The following KIAA1217 variants were observed in gnomAD, a reference collection of about 807,000 sequenced individuals.
The protein encoded by KIAA1217 is sickle tail protein homolog.
Under a neutral mutation model 163.9 loss-of-function variants are expected in KIAA1217, and 88 were observed. That is an observed-to-expected ratio of 0.54 (90% CI 0.45 to 0.64). KIAA1217 has a LOEUF of 0.64. KIAA1217 is among the 30% of genes least tolerant of loss of function. The pLI is 0.00. For synonymous variants in KIAA1217, 903 were observed against 923.1 expected (o/e 0.98, Z 0.39); for missense variants, 2,372 against 2,475.0 (o/e 0.96, Z 0.88).
At position 24,543,953 on chromosome 10, in the gene KIAA1217, G is replaced by T; in HGVS notation, c.4683G>T (p.Ala1561=). ...SPNSECKGED[A]TDDQFESPKK... is the part of the protein sequence containing the mutation. ...ATTCGGAATGCAAGGGTGAGGACGCGACCGATGACCAGTTTGAAAGCCCCA... is the reference window on the plus strand; with the variant it reads ...ATTCGGAATGCAAGGGTGAGGACGCTACCGATGACCAGTTTGAAAGCCCCA... Residue 1561 remains alanine, a synonymous_variant, in exon 19 of 21, where the codon GCG becomes GCT. Transcript: ENST00000376454. 6.2e-7 allele frequency: 1 copy of T among 1,614,026 alleles called. No homozygotes were observed. Among genetic ancestry groups the T allele is most frequent in the South Asian group, 1.1e-5 (1 of 91,056 alleles).
At chr10:24,060,564 G>A (rs1181502647) in intron 2 of KIAA1217, among the ~76,000 whole-genome samples, 1 of 152,204 alleles carries the variant, frequency 6.6e-6, no homozygotes, top group Non-Finnish European at 1.5e-5. Flanking sequence ...GGAGGCCAAG[G>A]TGGAAGGATT....
chr10:23,921,353 T>C (rs1291996822), intron 1 of KIAA1217, among the ~76,000 whole-genome samples: 1 of 152,174 alleles, frequency 6.6e-6, no homozygotes, highest in Non-Finnish European at 1.5e-5. Context: ...TATTTTCTGA[T>C]CCAGTGAGAA....
chr10:23,838,304 C>T lies in KIAA1217; in HGVS notation c.-321+143070C>T, dbSNP rs1588919074. Among the ~76,000 whole-genome samples, 3 of 152,064 alleles carry T rather than the reference C, an allele frequency of 2.0e-5. No homozygotes were observed. The South Asian group carries it at 6.2e-4, about 32-fold the overall frequency. ...CCTTTAAGTACATTTGTAATGATTT[C>T]CCATTACTGATATATGAGAATACAG... is the stretch of plus-strand genomic sequence containing the variant. On this transcript the variant is annotated intron_variant, in intron 1 of 18. Coordinates refer to the KIAA1217 transcript ENST00000376462.
Position 23,863,624 on chromosome 10 carries a change from T to C in KIAA1217, c.-320-143601T>C, listed in dbSNP as rs574870043. Among the ~76,000 whole-genome samples, 132 of 152,278 alleles carry C rather than the reference T, an allele frequency of 8.7e-4. 1 individual carries two copies. In the Middle Eastern group the frequency reaches 0.01, roughly 12 times the overall value. Reference sequence around the variant, plus strand: ...ATTTGTACTTGCCAGCCTCCAGAACTGAGATAAATAAATTTCTGTTCCTAG... The same window carrying C: ...ATTTGTACTTGCCAGCCTCCAGAACCGAGATAAATAAATTTCTGTTCCTAG... On this transcript the variant is annotated intron_variant, in intron 1 of 18. Transcript: ENST00000376462.
intron 2 of KIAA1217, among the ~76,000 whole-genome samples, chr10:24,300,728 T>C (rs1564430729): frequency 6.6e-6 from 1 of 151,904 alleles, no homozygotes; most frequent in Non-Finnish European, 1.5e-5. Context: ...CCACCACACC[T>C]GGCTAATTTT....
rs941297402 is a variant in KIAA1217, at chr10:24,086,842, A to G, written c.-171+79468A>G. ...TTTCCTATGAGGGACTCATGGGGTA[A>G]CCTTGACCCAGCAGTTCCACTGCTT... On this transcript the variant is annotated intron_variant, in intron 2 of 18. Transcript: ENST00000376462. 7.9e-5 allele frequency among the ~76,000 whole-genome samples: 12 copies of G among 152,276 alleles called. No homozygotes were observed. The East Asian group carries it at 1.4e-3, about 17-fold the overall frequency.
At chr10:23,893,071 A>C (rs970881508) in intron 1 of KIAA1217, among the ~76,000 whole-genome samples, 3 of 152,180 alleles carry the variant, frequency 2.0e-5, no homozygotes, top group Admixed American at 1.3e-4. Context: ...GAATGGTACC[A>C]GTTCCTCCTT....
rs1467183515 is a variant in KIAA1217 at position 24,011,198 on chromosome 10, G to A, written c.-171+3824G>A. 3.9e-5 allele frequency among the ~76,000 whole-genome samples: 6 copies of A among 152,226 alleles called. No homozygotes were observed. In the East Asian group the frequency reaches 9.7e-4, roughly 25 times the overall value. ...GATAGGTATTTCCATCTAAGAAATT[G>A]TCTTCAGCCTGGTGCAGTGGCTCAC... On this transcript the variant is annotated intron_variant, in intron 2 of 18. Coordinates refer to the KIAA1217 transcript ENST00000376462.
At chr10:24,262,643 A>G (rs79749436) in intron 2 of KIAA1217, among the ~76,000 whole-genome samples, 1 of 151,902 alleles carries the variant, frequency 6.6e-6, no homozygotes, top group African/African-American at 2.4e-5. Context: ...AAAAAAAAAA[A>G]AAGAGTCAAT....
chr10:24,175,023 A>T (rs1589774546), intron 2 of KIAA1217, among the ~76,000 whole-genome samples: 1 of 148,696 alleles, frequency 6.7e-6, no homozygotes. Context: ...TGCCTGGCTA[A>T]TTTTTTTTTT....
At chr10:24,414,835 C>A (rs182781772) in intron 3 of KIAA1217, among the ~76,000 whole-genome samples, 1 of 152,238 alleles carries the variant, frequency 6.6e-6, no homozygotes, top group East Asian at 1.9e-4. Flanking sequence ...TAAAAGGCAG[C>A]GCCAGAACTT....
chr10:23,888,357 G>A (rs1337103987), intron 1 of KIAA1217, among the ~76,000 whole-genome samples: 2 of 151,834 alleles, frequency 1.3e-5, no homozygotes, highest in Non-Finnish European at 1.5e-5. Flanking sequence ...CCTTCTCTCC[G>A]TTTAATCAAC....
At chr10:24,113,279 G>T (rs2062927830) in intron 2 of KIAA1217, among the ~76,000 whole-genome samples, 1 of 152,112 alleles carries the variant, frequency 6.6e-6, no homozygotes, top group Non-Finnish European at 1.5e-5. Flanking sequence ...TTTTAGAAAA[G>T]CATCTTCACA....
chr10:24,445,856 T>C (rs1294409318), intron 5 of KIAA1217, among the ~76,000 whole-genome samples: 2 of 152,166 alleles, frequency 1.3e-5, no homozygotes, highest in Non-Finnish European at 2.9e-5. Context: ...TGCATGTGTC[T>C]TTATAGCAGC....
intron 1 of KIAA1217, among the ~76,000 whole-genome samples, chr10:23,974,069 A>G (rs749925412): frequency 3.9e-5 from 6 of 152,216 alleles, no homozygotes; most frequent in Non-Finnish European, 5.9e-5. Context: ...TTGATTATGC[A>G]TCTACCCCAG....
At chr10:24,075,461 T>A (rs2061339490) in intron 2 of KIAA1217, among the ~76,000 whole-genome samples, 1 of 152,166 alleles carries the variant, frequency 6.6e-6, no homozygotes, top group South Asian at 2.1e-4. Flanking sequence ...TAGCAGTGAT[T>A]CATTTCAGTG....
chr10:24,223,033 C>T (rs1357710549), intron 2 of KIAA1217, among the ~76,000 whole-genome samples: 19 of 152,072 alleles, frequency 1.2e-4, no homozygotes, highest in Admixed American at 1.2e-3. Context: ...CAGTGAGGAC[C>T]ACCAGAGGTC....
At chr10:24,293,603 T>C (rs922320001) in intron 2 of KIAA1217, among the ~76,000 whole-genome samples, 2 of 152,224 alleles carry the variant, frequency 1.3e-5, no homozygotes, top group African/African-American at 4.8e-5. Context: ...AAAGGTTTCA[T>C]TGTTGATATC....
chr10:24,387,296 A>T (rs531282651), intron 3 of KIAA1217, among the ~76,000 whole-genome samples: 1 of 152,218 alleles, frequency 6.6e-6, no homozygotes, highest in Non-Finnish European at 1.5e-5. Context: ...AGAACCAAAG[A>T]CAAAAACCAC....
Sources: allele counts gnomAD v4.1 joint callset (sites outside exome capture counted in the v4.1 genomes callset), GRCh38; gene constraint gnomAD v4.1.1; transcripts MANE v1.5; gene names NCBI Gene and HGNC (gene_info 2026-07-23, HGNC 2026-07-21).